The following CCND3 variants were observed in gnomAD, a reference collection of about 807,000 sequenced individuals.
CCND3 encodes G1/S-specific cyclin-D3.
CCND3 carries 9 observed loss-of-function variants against 28.7 expected under a neutral mutation model. The ratio of observed to expected loss-of-function variants is 0.31; its 90% CI spans 0.19 to 0.55. The LOEUF is 0.55. CCND3 is among the 20% of genes least tolerant of loss of function. CCND3 has a pLI of 0.93. For missense variants in CCND3, 315 were observed against 385.8 expected, an observed-to-expected ratio of 0.82 and a Z score of 1.54; for synonymous variants, 164 against 163.9, an observed-to-expected ratio of 1.00 and a Z score of 0.00.
At chr6:42,007,461 C>T (rs1423366897) in intron 1 of CCND3, among the ~76,000 whole-genome samples, 1 of 152,186 alleles carries the variant, frequency 6.6e-6, no homozygotes, top group Non-Finnish European at 1.5e-5. Context: ...TAGCACTGAC[C>T]TTTAAACGGG....
intron 1 of CCND3, among the ~76,000 whole-genome samples, chr6:41,981,145 T>A (rs1381588604): frequency 2.1e-5 from 3 of 144,340 alleles, no homozygotes; most frequent in Admixed American, 7.0e-5. Context: ...GACAAAAAAA[T>A]CCTTCTGGGA....
In CCND3 at chr6:41,938,435, G is replaced by A. The variant is rs1775879640; in HGVS notation, c.415-1041C>T. On this transcript the variant is annotated intron_variant, in intron 2 of 4. Coordinates refer to ENST00000372991, the MANE Select transcript of CCND3 (RefSeq NM_001760.5). This position sits in a 1 kb window ranked among gnomAD's most constrained non-coding sequence, Gnocchi z 4.6. Reference sequence around the variant, plus strand: ...CAACCCCTACCCTCACAGAGCCCCAGAGAAAATAGCCTGGCCTGGAGCCAG... The same window carrying A: ...CAACCCCTACCCTCACAGAGCCCCAAAGAAAATAGCCTGGCCTGGAGCCAG... 6.6e-6 allele frequency among the ~76,000 whole-genome samples: 1 copy of A among 152,158 alleles called. No individual in the cohort carries two copies. The highest frequency in any genetic ancestry group is 1.5e-5 in the Non-Finnish European group (1 of 68,022).
intron 1 of CCND3, among the ~76,000 whole-genome samples, chr6:42,027,746 G>C (rs908177318): frequency 6.6e-6 from 1 of 150,450 alleles, no homozygotes; most frequent in Non-Finnish European, 1.5e-5. Flanking sequence ...TTTTTTGTTT[G>C]TTTGTTTGTT....
chr6:42,042,489 T>C (rs769107484), intron 1 of CCND3, among the ~76,000 whole-genome samples: 15 of 151,906 alleles, frequency 9.9e-5, no homozygotes, highest in African/African-American at 3.6e-4. Context: ...GCCTCCCGAG[T>C]AGCCGGGATT....
chr6:41,976,051 T>A (rs184079796), intron 1 of CCND3, among the ~76,000 whole-genome samples: 505 of 151,844 alleles, frequency 3.3e-3, no homozygotes, highest in Non-Finnish European at 4.7e-3. Flanking sequence ...TAAAAAAAAA[T>A]TTTAAATTAG....
upstream of CCND3, among the ~76,000 whole-genome samples, chr6:41,944,728 T>A (rs184992549): frequency 6.6e-5 from 10 of 152,236 alleles, no homozygotes; most frequent in Non-Finnish European, 1.5e-4. Flanking sequence ...GGCAAATTAG[T>A]TGCTGATTTA....
At chr6:41,977,812 A>G (rs6933895) in intron 1 of CCND3, among the ~76,000 whole-genome samples, 151,060 of 152,304 alleles carry the variant, frequency 0.99, 74,923 homozygotes, top group Middle Eastern at 1. Flanking sequence ...ATGGAGAGCT[A>G]AAGGTTTTTG....
intron 1 of CCND3, among the ~76,000 whole-genome samples, chr6:41,974,952 C>T (rs950856118): frequency 6.6e-6 from 1 of 151,904 alleles, no homozygotes; most frequent in African/African-American, 2.4e-5. Flanking sequence ...GCCACCACGC[C>T]CAGCTAATTT....
chr6:41,989,022 T>G (rs1472055805), intron 1 of CCND3, among the ~76,000 whole-genome samples: 1 of 151,986 alleles, frequency 6.6e-6, no homozygotes, highest in Non-Finnish European at 1.5e-5. Context: ...TCATTAAAAT[T>G]TAAAACCTCC....
chr6:42,036,605 T>C (rs1054764326), intron 1 of CCND3, among the ~76,000 whole-genome samples: 3 of 150,672 alleles, frequency 2.0e-5, no homozygotes, highest in Non-Finnish European at 1.5e-5. Context: ...AATTTTGCCA[T>C]GTTGTCTAGG....
In CCND3 at chr6:41,992,463, G is replaced by GTTT. The variant is rs373285628; in HGVS notation, c.-45-51881_-45-51879dup. On this transcript the variant is annotated intron_variant, in intron 1 of 4. Transcript: ENST00000372988. ...AGGCATGAGCCACCACACCCAGCCG[G>GTTT]TTTTTTTTTTTTTTTTTAGATGGAG... Among the ~76,000 whole-genome samples the GTTT allele has an allele frequency of 4.1e-3, 492 of 120,424 alleles. 17 individuals carry two copies. Among genetic ancestry groups the GTTT allele is most frequent in the East Asian group, 0.017 (65 of 3,878 alleles). 79.0% of individuals were successfully genotyped at this position (120,424 alleles called of 152,430 possible).
chr6:41,958,185 C>T (rs1012322445), intron 1 of CCND3, among the ~76,000 whole-genome samples: 5 of 151,380 alleles, frequency 3.3e-5, no homozygotes, highest in Non-Finnish European at 5.9e-5. Context: ...TTAGTAGAGA[C>T]GGGTTTTCAC....
chr6:41,952,230 G>T (rs1362849855), intron 1 of CCND3, among the ~76,000 whole-genome samples: 1 of 152,216 alleles, frequency 6.6e-6, no homozygotes, highest in Non-Finnish European at 1.5e-5. Flanking sequence ...GCAAAAGTCT[G>T]TCTCAATTTG....
intron 1 of CCND3, 161 bp from the exon 2 acceptor site, chr6:41,940,746 C>T (rs1189822024): frequency 5.3e-6 from 4 of 749,936 alleles, no homozygotes; most frequent in Admixed American, 2.1e-5. Flanking sequence ...TGCGCCCTCC[C>T]CAAGGTGACG....
At chr6:42,032,082 C>T (rs1251473220) in intron 1 of CCND3, among the ~76,000 whole-genome samples, 8 of 152,030 alleles carry the variant, frequency 5.3e-5, no homozygotes, top group Non-Finnish European at 7.4e-5. Flanking sequence ...TGAGTCGCTG[C>T]ACCTGGCCGA....
At chr6:41,950,282 C>T (rs1462981873) in intron 1 of CCND3, among the ~76,000 whole-genome samples, 1 of 151,960 alleles carries the variant, frequency 6.6e-6, no homozygotes, top group Non-Finnish European at 1.5e-5. Context: ...CAGCAATATA[C>T]CTGCAAAAAG....
At chr6:41,970,218 A>G (rs1761999787) in intron 1 of CCND3, among the ~76,000 whole-genome samples, 1 of 152,138 alleles carries the variant, frequency 6.6e-6, no homozygotes, top group African/African-American at 2.4e-5. Context: ...ACGTGCCTGT[A>G]GTCCCAGCTG....
chr6:41,986,249 T>C (rs1246997274), intron 1 of CCND3, among the ~76,000 whole-genome samples: 1 of 152,050 alleles, frequency 6.6e-6, no homozygotes, highest in Non-Finnish European at 1.5e-5. Flanking sequence ...CAAGATTGTT[T>C]TGGCTATTCA....
At chr6:41,945,822 A>G (rs1057061251), upstream of CCND3, among the ~76,000 whole-genome samples, 9 of 152,192 alleles carry the variant, frequency 5.9e-5, no homozygotes, top group African/African-American at 2.4e-5. Flanking sequence ...AAATTAAACA[A>G]GCAGAAAATG....
Sources: gnomAD v4.1 joint callset for allele counts (sites outside exome capture counted in the v4.1 genomes callset) on GRCh38, gnomAD v4.1.1 for gene constraint, Gnocchi (gnomAD v3.1) non-coding constraint, MANE v1.5 for transcripts, NCBI Gene and HGNC (gene_info 2026-07-23, HGNC 2026-07-21) for gene names.